The following TRAPPC12 variants were observed in gnomAD, a reference collection of about 807,000 sequenced individuals.
TRAPPC12 encodes TPR repeat protein 15.
A neutral mutation model predicts 69.2 loss-of-function variants in TRAPPC12; 61 were observed. That is an observed-to-expected ratio of 0.88 (90% CI 0.72 to 1.09). The LOEUF is 1.09. Ranked by LOEUF, TRAPPC12 falls within the 50% of genes least tolerant of loss-of-function variation. The pLI is 0.00. For synonymous variants in TRAPPC12, 469 were observed against 438.9 expected, an observed-to-expected ratio of 1.07 and a Z score of -0.86; for missense variants, 1,101 against 1,016.4, an observed-to-expected ratio of 1.08 and a Z score of -1.13.
At position 3,401,852 on chromosome 2, in the gene TRAPPC12, G is replaced by T. The variant is rs143418079; in HGVS notation, c.1123G>T (p.Asp375Tyr). 778 of 1,599,996 alleles carry T rather than the reference G, an allele frequency of 4.9e-4. 2 individuals are homozygous for T. Among genetic ancestry groups the T allele is most frequent in the Non-Finnish European group, 6.2e-4 (725 of 1,174,974 alleles). Residue 375 changes from aspartate to tyrosine, a missense_variant, in exon 3 of 12, where the codon GAC (aspartate) becomes TAC (tyrosine). Physicochemically the swap from Asp to Tyr is radical, Grantham distance 160. Coordinates refer to ENST00000324266, the MANE Select transcript of TRAPPC12 (RefSeq NM_016030.6). The part of the protein sequence containing the change: ...AAAKRQVLNA[D>Y]SVEQSFVGLK... Reference sequence around the variant, plus strand: ...AGCAAAGAGACAAGTCCTAAATGCCGACTCAGTGGAACAATCTTTTGTTGG... The same window carrying T: ...AGCAAAGAGACAAGTCCTAAATGCCTACTCAGTGGAACAATCTTTTGTTGG...
At chr2:3,444,572 G>T (rs1664408728) in intron 6 of TRAPPC12, among the ~76,000 whole-genome samples, 1 of 152,234 alleles carries the variant, frequency 6.6e-6, no homozygotes, top group African/African-American at 2.4e-5. Flanking sequence ...TATAGGTTCA[G>T]TGACATAAGG....
chr2:3,463,325 C>T (rs544986055), intron 8 of TRAPPC12, among the ~76,000 whole-genome samples: 3 of 152,010 alleles, frequency 2.0e-5, no homozygotes, highest in African/African-American at 2.4e-5. Context: ...CACACAGACA[C>T]GTGTCATGTT....
intron 3 of TRAPPC12, among the ~76,000 whole-genome samples, chr2:3,418,425 A>G (rs572984040): frequency 3.1e-4 from 47 of 152,314 alleles, no homozygotes; most frequent in African/African-American, 1.1e-3. Flanking sequence ...GGCTGAAGTC[A>G]GCCCACAGTC....
chr2:3,428,448 T>C (rs548172326), intron 5 of TRAPPC12, among the ~76,000 whole-genome samples: 2 of 152,370 alleles, frequency 1.3e-5, no homozygotes, highest in African/African-American at 4.8e-5. Context: ...TAAAATGTGC[T>C]TTAAAAGGAG....
chr2:3,431,053 A>C (rs946380659), intron 5 of TRAPPC12, among the ~76,000 whole-genome samples: 1 of 152,194 alleles, frequency 6.6e-6, no homozygotes, highest in Non-Finnish European at 1.5e-5. Flanking sequence ...GAGAGTCTAC[A>C]CAGTTGCTGA....
chr2:3,444,012 T>C (rs1572169903), intron 6 of TRAPPC12, 121 bp downstream of exon 6: 1 of 704,190 alleles, frequency 1.4e-6, no homozygotes, highest in East Asian at 2.7e-5. Context: ...TGCTTCTGCC[T>C]TCAGAAGGCT....
At chr2:3,395,304 C>T (rs1483107006) in intron 2 of TRAPPC12, among the ~76,000 whole-genome samples, 1 of 152,184 alleles carries the variant, frequency 6.6e-6, no homozygotes, top group Non-Finnish European at 1.5e-5. Flanking sequence ...TAGAGCATCT[C>T]TTCAAACGTT....
chr2:3,401,839 A>G lies in TRAPPC12; in HGVS notation c.1110A>G (p.Gln370=). ...FLGEKAAAKR[Q]VLNADSVEQS... ...GTGAAAAAGCTGCAGCAAAGAGACA[A>G]GTCCTAAATGCCGACTCAGTGGAAC... Residue 370 remains glutamine, a synonymous_variant, in exon 3 of 12, where the codon CAA becomes CAG. Coordinates refer to ENST00000324266, the MANE Select transcript of TRAPPC12 (RefSeq NM_016030.6). 1 of 1,603,666 alleles carries G rather than the reference A, an allele frequency of 6.2e-7. No individual in the cohort carries two copies. Among genetic ancestry groups the G allele is most frequent in the East Asian group, 2.3e-5 (1 of 44,372 alleles).
At chr2:3,384,879 T>C (rs1310447416) in intron 1 of TRAPPC12, among the ~76,000 whole-genome samples, 2 of 152,244 alleles carry the variant, frequency 1.3e-5, no homozygotes, top group Non-Finnish European at 2.9e-5. Flanking sequence ...CTCTGGACCC[T>C]ATATTTTCTT....
chr2:3,402,025 G>C, intron 3 of TRAPPC12, 132 bp downstream of exon 3: 1 of 630,554 alleles, frequency 1.6e-6, no homozygotes, highest in South Asian at 2.5e-5. Flanking sequence ...TTTTGTTGGA[G>C]TAGATGCCAG....
At chr2:3,477,644 A>G (rs780016549) in intron 9 of TRAPPC12, 51 bp from the exon 10 acceptor site, 1 of 1,134,590 alleles carries the variant, frequency 8.8e-7, no homozygotes, top group South Asian at 1.4e-5. Context: ...ATATGAGTAT[A>G]GACTTAATAT....
chr2:3,409,132 A>C (rs1209992797), intron 3 of TRAPPC12, among the ~76,000 whole-genome samples: 2 of 152,204 alleles, frequency 1.3e-5, no homozygotes, highest in Admixed American at 6.5e-5. Context: ...CTTTGCAAAA[A>C]GTTAAGACTC....
chr2:3,400,561 G>A (rs1661382221), intron 2 of TRAPPC12, among the ~76,000 whole-genome samples: 1 of 152,162 alleles, frequency 6.6e-6, no homozygotes, highest in Non-Finnish European at 1.5e-5. Context: ...AAAGGAGAGA[G>A]ATGGTCCAGG....
intron 1 of TRAPPC12, among the ~76,000 whole-genome samples, chr2:3,383,345 A>C (rs1172355379): frequency 6.6e-6 from 1 of 152,038 alleles, no homozygotes; most frequent in Admixed American, 6.6e-5. Context: ...ATATTCTCTT[A>C]TATTTTCTTC....
intron 9 of TRAPPC12, among the ~76,000 whole-genome samples, chr2:3,473,447 C>T (rs775960186): frequency 3.9e-5 from 6 of 152,112 alleles, no homozygotes; most frequent in East Asian, 1.9e-4. Flanking sequence ...TAAAGTTTTC[C>T]GTGTTGGTTT....
chr2:3,387,543 C>A, intron 1 of TRAPPC12, 77 bp from the exon 2 acceptor site: 1 of 1,138,584 alleles, frequency 8.8e-7, no homozygotes, highest in Non-Finnish European at 1.2e-6. Flanking sequence ...TCATTTGAAT[C>A]TATAAGCAAT....
chr2:3,477,719 A>G lies in TRAPPC12; in HGVS notation c.1801A>G (p.Lys601Glu). 6 of 1,607,176 alleles carry G rather than the reference A, an allele frequency of 3.7e-6. No homozygotes were observed. The highest frequency in any genetic ancestry group is 5.1e-6 in the Non-Finnish European group (6 of 1,177,634). Residue 601 changes from lysine to glutamate, a missense_variant, in exon 10 of 12, where the codon AAG becomes GAG. Transcript: ENST00000324266. ...LQIGDIKTAE[K>E]YFQDVEKVTQ... is the part of the protein sequence containing the mutation. ...GATTGGAGACATAAAAACAGCTGAA[A>G]AGTATTTTCAAGACGTTGAGAAAGT...
rs1665768432 is a variant in TRAPPC12 at position 3,465,586 on chromosome 2, T to C, written c.1678-11T>C. 1 of 1,608,542 alleles carries C rather than the reference T, an allele frequency of 6.2e-7. No individual in the cohort carries two copies. The highest frequency in any genetic ancestry group is 8.5e-7 in the Non-Finnish European group (1 of 1,174,972). ...TCAGCTCTAAAGTACGTTGGGTTTT[T>C]CTTCCCACAGGATTATGTGCTGGCC... On this transcript the variant is annotated splice_polypyrimidine_tract_variant and intron_variant, in intron 8 of 11. Transcript: ENST00000324266.
At chr2:3,398,316 C>G (rs1440891474) in intron 2 of TRAPPC12, among the ~76,000 whole-genome samples, 4 of 152,192 alleles carry the variant, frequency 2.6e-5, no homozygotes, top group Non-Finnish European at 4.4e-5. Flanking sequence ...CATGTTGACT[C>G]CCCACCAATG....
Sources: allele counts gnomAD v4.1 joint callset (sites outside exome capture counted in the v4.1 genomes callset), GRCh38; gene constraint gnomAD v4.1.1; transcripts MANE v1.5; gene names NCBI Gene and HGNC (gene_info 2026-07-23, HGNC 2026-07-21).